Variants in MARCHF1 observed in about 807,000 individuals in gnomAD.
The protein encoded by MARCHF1 is membrane associated ring-CH-type finger 1.
In MARCHF1, 40 loss-of-function variants were observed where a neutral mutation model predicts 54.2. The ratio of observed to expected loss-of-function variants is 0.74; its 90% confidence interval spans 0.57 to 0.96. The LOEUF is 0.96. MARCHF1 is among the 40% of genes least tolerant of loss of function. MARCHF1 has a pLI of 0.00. For synonymous variants in MARCHF1, 236 were observed against 236.3 expected (o/e 1.00, Z 0.01); for missense variants, 586 against 656.5 (o/e 0.89, Z 1.17).
chr4:164,020,054 TG>T (rs1726497556), intron 2 of MARCHF1, among the ~76,000 whole-genome samples: 1 of 152,178 alleles, frequency 6.6e-6, no homozygotes, highest in African/African-American at 2.4e-5. Flanking sequence ...CAATCTTCCT[TG>T]CAAAGAACTG....
chr4:164,187,058 C>T lies in MARCHF1; in HGVS notation c.-322-75396G>A, dbSNP rs369667689. Among the ~76,000 whole-genome samples the T allele has an allele frequency of 4.7e-5, 7 of 149,236 alleles. No individual in the cohort carries two copies. In the East Asian group the frequency reaches 5.9e-4, roughly 13 times the overall value. ...TTTTTTTGCATGAAATGCACATAAT[C>T]TTCTGATCTTGCTCAACCCTCAACA... On this transcript the variant is annotated intron_variant, in intron 1 of 9. Coordinates refer to ENST00000514618, the MANE Select transcript of MARCHF1 (RefSeq NM_001394959.1).
intron 3 of MARCHF1, among the ~76,000 whole-genome samples, chr4:163,887,011 T>G (rs535891276): frequency 1.8e-4 from 27 of 152,284 alleles, no homozygotes; most frequent in Non-Finnish European, 3.2e-4. Context: ...GGACCCCCAT[T>G]TCCAACTTTC....
At chr4:164,324,715 T>G (rs921819203) in intron 1 of MARCHF1, among the ~76,000 whole-genome samples, 1 of 151,280 alleles carries the variant, frequency 6.6e-6, no homozygotes, top group East Asian at 1.9e-4. Flanking sequence ...CAAAAGGTAT[T>G]TGCAAGAGCA....
intron 1 of MARCHF1, among the ~76,000 whole-genome samples, chr4:164,118,575 C>A (rs1184586368): frequency 6.6e-6 from 1 of 150,784 alleles, no homozygotes; most frequent in African/African-American, 2.4e-5. Context: ...AAGCTCAGAC[C>A]AAATATATGA....
At chr4:164,088,746 T>C (rs573394889) in intron 2 of MARCHF1, among the ~76,000 whole-genome samples, 2 of 151,550 alleles carry the variant, frequency 1.3e-5, no homozygotes, top group East Asian at 3.9e-4. Context: ...CTCAGAAAAA[T>C]TAAAATAAAA....
intron 1 of MARCHF1, among the ~76,000 whole-genome samples, chr4:164,325,019 G>A (rs910900640): frequency 2.0e-5 from 3 of 151,684 alleles, no homozygotes; most frequent in Admixed American, 1.3e-4. Context: ...AAAGAATATC[G>A]AGAGTGGACA....
chr4:163,644,509 A>G (rs1312536821), intron 5 of MARCHF1, among the ~76,000 whole-genome samples: 1 of 152,172 alleles, frequency 6.6e-6, no homozygotes, highest in East Asian at 1.9e-4. Flanking sequence ...AGACACACCC[A>G]TCTGACTCCC....
chr4:163,622,944 C>T (rs1344794028), intron 5 of MARCHF1, among the ~76,000 whole-genome samples: 1 of 152,104 alleles, frequency 6.6e-6, no homozygotes. Flanking sequence ...CCTAGAAAGC[C>T]AGCAAGTGGC....
intron 4 of MARCHF1, among the ~76,000 whole-genome samples, chr4:163,758,638 C>A (rs1030293990): frequency 6.6e-6 from 1 of 152,156 alleles, no homozygotes; most frequent in Admixed American, 6.5e-5. Flanking sequence ...AGTCAGTGAA[C>A]ATTTCATGCC....
At chr4:164,137,281 T>C (rs1230093694) in intron 1 of MARCHF1, among the ~76,000 whole-genome samples, 1 of 152,158 alleles carries the variant, frequency 6.6e-6, no homozygotes, top group Admixed American at 6.5e-5. Flanking sequence ...ACTTTTCTTC[T>C]CCTTAACAGA....
At chr4:164,342,209 C>T (rs1729950210) in intron 1 of MARCHF1, among the ~76,000 whole-genome samples, 1 of 152,028 alleles carries the variant, frequency 6.6e-6, no homozygotes, top group South Asian at 2.1e-4. Context: ...AAAAGATGTT[C>T]AACATCACTA....
chr4:164,250,991 T>A (rs933743875), intron 1 of MARCHF1, among the ~76,000 whole-genome samples: 1 of 152,188 alleles, frequency 6.6e-6, no homozygotes, highest in Non-Finnish European at 1.5e-5. Flanking sequence ...ACTTGAGTAA[T>A]GTCCTTTCTT....
intron 2 of MARCHF1, among the ~76,000 whole-genome samples, chr4:163,994,500 C>A (rs1310214185): frequency 6.6e-6 from 1 of 151,724 alleles, no homozygotes; most frequent in Non-Finnish European, 1.5e-5. Context: ...AGCACACCAA[C>A]ATGGTACATG....
chr4:163,712,357 G>T lies in MARCHF1; in HGVS notation c.112-11494C>A, dbSNP rs1177307997. ...CTTTCTTATGAAAAAATAAAAAGTT[G>T]TGTGTCAGTGCCAATCTAGACAATG... On this transcript the variant is annotated intron_variant, in intron 4 of 9. Coordinates refer to ENST00000514618, the MANE Select transcript of MARCHF1 (RefSeq NM_001394959.1). 4.6e-5 allele frequency among the ~76,000 whole-genome samples: 7 copies of T among 152,232 alleles called. No homozygotes were observed. In the East Asian group the frequency reaches 1.2e-3, roughly 25 times the overall value.
chr4:164,176,980 C>CTCTATATA (rs1466683245), intron 1 of MARCHF1, among the ~76,000 whole-genome samples: 31 of 58,912 alleles, frequency 5.3e-4, no homozygotes, highest in East Asian at 3.0e-3. Context: ...CTCTCTCTCT[C>CTCTATATA]TATATATATA....
In MARCHF1 at chr4:163,527,767, A is replaced by AAATT. The variant is rs1167481873; in HGVS notation, c.*977_*980dup. 5.3e-5 allele frequency: 8 copies of AAATT among 151,580 alleles called. No individual in the cohort carries two copies. The South Asian group carries it at 1.3e-3, about 24-fold the overall frequency. 9.4% of individuals were successfully genotyped at this position (151,580 alleles called of 1,614,324 possible). On this transcript the variant is annotated 3_prime_UTR_variant, in exon 10 of 10. Transcript: ENST00000514618. The stretch of plus-strand genomic sequence containing the variant: ...TTAATTCAAGTTGAAGTGTACTTTT[A>AAATT]AATTACCAACTGGATTTTGAAAACT...
chr4:164,293,237 CCCTGCAA>C (rs1348984895), intron 1 of MARCHF1, among the ~76,000 whole-genome samples: 1 of 152,046 alleles, frequency 6.6e-6, no homozygotes, highest in Non-Finnish European at 1.5e-5. Context: ...AAAAAAAAAT[CCCTGCAA>C]CCTAAGTATA....
At chr4:164,133,274 T>C (rs1027902139) in intron 1 of MARCHF1, among the ~76,000 whole-genome samples, 18 of 152,160 alleles carry the variant, frequency 1.2e-4, no homozygotes, top group Admixed American at 1.2e-3. Context: ...CCAGCTGCTC[T>C]AAAGACTGAG....
intron 4 of MARCHF1, among the ~76,000 whole-genome samples, chr4:163,784,118 A>G (rs1445566543): frequency 6.6e-6 from 1 of 151,418 alleles, no homozygotes; most frequent in Admixed American, 6.6e-5. Context: ...TGATGAAAAT[A>G]TGATTCTAAC....
Sources: allele counts gnomAD v4.1 joint callset (sites outside exome capture counted in the v4.1 genomes callset), GRCh38; gene constraint gnomAD v4.1.1; transcripts MANE v1.5; gene names NCBI Gene and HGNC (gene_info 2026-07-23, HGNC 2026-07-21).